The following CPPED1 variants were observed in gnomAD, a reference collection of about 807,000 sequenced individuals.
CPPED1 encodes the protein calcineurin like phosphoesterase domain containing 1.
A neutral mutation model predicts 28.0 loss-of-function variants in CPPED1; 28 were observed. The ratio of observed to expected loss-of-function variants is 1.00; its 90% CI spans 0.74 to 1.37. CPPED1 has a LOEUF of 1.37. CPPED1 is among the 40% of genes most tolerant of loss of function. CPPED1 has a pLI of 0.00. For synonymous variants in CPPED1, 198 were observed against 180.2 expected, an observed-to-expected ratio of 1.10 and a Z score of -0.79; for missense variants, 504 against 416.5, an observed-to-expected ratio of 1.21 and a Z score of -1.83.
At chr16:12,675,601 T>C (rs1389060994) in intron 3 of CPPED1, among the ~76,000 whole-genome samples, 2 of 152,234 alleles carry the variant, frequency 1.3e-5, no homozygotes, top group Non-Finnish European at 2.9e-5. Flanking sequence ...CCAGTACAAT[T>C]CTGATACTAA....
chr16:12,686,484 T>C (rs1218565028), intron 3 of CPPED1, among the ~76,000 whole-genome samples: 1 of 152,238 alleles, frequency 6.6e-6, no homozygotes, highest in African/African-American at 2.4e-5. Flanking sequence ...TGGGATTCAG[T>C]GAGACTCCAT....
chr16:12,693,493 G>A (rs1401204288), intron 3 of CPPED1, among the ~76,000 whole-genome samples: 2 of 151,982 alleles, frequency 1.3e-5, no homozygotes, highest in African/African-American at 2.4e-5. Flanking sequence ...TCTGTGCCTG[G>A]CCATGCTATT....
intron 3 of CPPED1, among the ~76,000 whole-genome samples, chr16:12,690,180 C>T (rs1009041919): frequency 4.6e-5 from 7 of 151,964 alleles, no homozygotes; most frequent in South Asian, 2.1e-4. Context: ...CCAGAGTCTG[C>T]GGGGGTGGGT....
Position 12,664,593 on chromosome 16 carries a change from T to C in CPPED1, c.*293A>G. 8.3e-7 allele frequency: 1 copy of C among 1,201,644 alleles called. No individual in the cohort carries two copies. The highest frequency in any genetic ancestry group is 3.4e-4 in the Middle Eastern group (1 of 2,906). The allele number at this position is 1,201,644 out of a possible 1,614,324, so 74.4% of individuals were successfully genotyped here. The stretch of plus-strand genomic sequence containing the variant: ...ACCAGAATACAATCCAATTCAAAAG[T>C]GGAGTTGAGAAACACAGCATTAGGA... On this transcript the variant is annotated 3_prime_UTR_variant, in exon 4 of 4. Coordinates refer to ENST00000381774, the MANE Select transcript of CPPED1 (RefSeq NM_018340.3). The surrounding 1 kb of genome is among the most constrained non-coding windows in gnomAD (Gnocchi z 4.2).
At chr16:12,713,944 A>G (rs953005321) in intron 2 of CPPED1, among the ~76,000 whole-genome samples, 1 of 151,516 alleles carries the variant, frequency 6.6e-6, no homozygotes, top group Non-Finnish European at 1.5e-5. Flanking sequence ...TTGCCCCCCA[A>G]CTCCCACCAC....
intron 2 of CPPED1, among the ~76,000 whole-genome samples, chr16:12,763,560 T>C (rs1332993740): frequency 6.6e-5 from 10 of 152,240 alleles, no homozygotes; most frequent in Non-Finnish European, 8.8e-5. Context: ...TAAGCACTTT[T>C]ATAGATTATT....
intron 2 of CPPED1, among the ~76,000 whole-genome samples, chr16:12,769,804 C>A (rs376749263): frequency 1.4e-4 from 21 of 152,290 alleles, no homozygotes; most frequent in African/African-American, 5.1e-4. Flanking sequence ...GATATTTCAA[C>A]TATGGCATCA....
chr16:12,688,047 T>G (rs901175040), intron 3 of CPPED1, among the ~76,000 whole-genome samples: 1 of 151,672 alleles, frequency 6.6e-6, no homozygotes, highest in African/African-American at 2.4e-5. Flanking sequence ...TTTTTTTTTT[T>G]GAGACAGGGT....
chr16:12,765,687 A>G (rs1006042752), intron 2 of CPPED1, among the ~76,000 whole-genome samples: 1 of 152,230 alleles, frequency 6.6e-6, no homozygotes. Context: ...CAAATAATAC[A>G]TATTGAATAG....
At chr16:12,736,357 T>C (rs2080226856) in intron 2 of CPPED1, among the ~76,000 whole-genome samples, 1 of 151,752 alleles carries the variant, frequency 6.6e-6, no homozygotes, top group Admixed American at 6.6e-5. Context: ...GTGATTCTCA[T>C]ACCTCCCGGG....
At chr16:12,763,317 T>C (rs2080420894) in intron 2 of CPPED1, among the ~76,000 whole-genome samples, 1 of 151,838 alleles carries the variant, frequency 6.6e-6, no homozygotes, top group Non-Finnish European at 1.5e-5. Flanking sequence ...TCCCGAGGCC[T>C]GCCTCAGCCT....
At chr16:12,788,730 C>T (rs150753884) in intron 1 of CPPED1, among the ~76,000 whole-genome samples, 7 of 152,324 alleles carry the variant, frequency 4.6e-5, no homozygotes, top group African/African-American at 1.4e-4. Context: ...ACAGAACATG[C>T]TCTGGGCTTC....
chr16:12,685,552 G>A (rs891414184), intron 3 of CPPED1, among the ~76,000 whole-genome samples: 23 of 152,212 alleles, frequency 1.5e-4, no homozygotes, highest in Non-Finnish European at 2.6e-4. Flanking sequence ...CTGGCACACT[G>A]TCTACTGCAT....
intron 1 of CPPED1, among the ~76,000 whole-genome samples, chr16:12,797,484 G>C (rs367628934): frequency 1.1e-4 from 16 of 152,014 alleles, no homozygotes; most frequent in Admixed American, 7.2e-4. Flanking sequence ...GAGCCCAGGA[G>C]GGGGAGGCTG....
At chr16:12,707,242 C>T (rs751268595) in intron 2 of CPPED1, among the ~76,000 whole-genome samples, 88 of 152,142 alleles carry the variant, frequency 5.8e-4, no homozygotes, top group Non-Finnish European at 1.1e-3. Context: ...AAAGCCGCCC[C>T]TCTCACTTCT....
intron 3 of CPPED1, among the ~76,000 whole-genome samples, chr16:12,696,536 G>A (rs368913020): frequency 1.3e-5 from 2 of 150,546 alleles, no homozygotes; most frequent in East Asian, 2.0e-4. Context: ...CGCCTTCCCA[G>A]GTTCAAGTGA....
Position 12,755,833 on chromosome 16 carries a change from C to A in CPPED1, c.289+25352G>T, listed in dbSNP as rs185065968. Among the ~76,000 whole-genome samples the A allele has an allele frequency of 2.4e-3, 369 of 152,156 alleles. 1 individual carries two copies. The highest frequency in any genetic ancestry group is 3.9e-3 in the Admixed American group (59 of 15,284). ...CGTGGTGGGGGCACTCTGCAAGATG[C>A]CTCAAAGAATCAGAAGTTGCTGGGT... On this transcript the variant is annotated intron_variant, in intron 2 of 3. Coordinates refer to ENST00000381774, the MANE Select transcript of CPPED1 (RefSeq NM_018340.3).
At chr16:12,778,385 C>G (rs1212479551) in intron 2 of CPPED1, among the ~76,000 whole-genome samples, 1 of 150,500 alleles carries the variant, frequency 6.6e-6, no homozygotes, top group African/African-American at 2.4e-5. Flanking sequence ...AAGCGATTCT[C>G]CTGCCTCAGC....
intron 3 of CPPED1, among the ~76,000 whole-genome samples, chr16:12,678,622 C>G (rs1055902022): frequency 1.3e-5 from 2 of 152,082 alleles, no homozygotes; most frequent in African/African-American, 4.8e-5. Context: ...CTTTGCTATT[C>G]CTAGGTATTT....
Sources: allele counts gnomAD v4.1 joint callset (sites outside exome capture counted in the v4.1 genomes callset), GRCh38; gene constraint gnomAD v4.1.1; non-coding constraint Gnocchi (gnomAD v3.1); transcripts MANE v1.5; gene names NCBI Gene and HGNC (gene_info 2026-07-23, HGNC 2026-07-21).